The following ESRRG variants were observed in gnomAD, a reference collection of about 807,000 sequenced individuals.
ESRRG encodes estrogen-related receptor gamma.
ESRRG carries 13 observed loss-of-function variants against 44.0 expected under a neutral mutation model. The observed-to-expected ratio is 0.30, with a 90% CI of 0.19 to 0.47. The LOEUF (loss-of-function observed/expected upper bound fraction) is 0.47. ESRRG is among the 20% of genes least tolerant of loss of function. The pLI is 1.00. For synonymous variants in ESRRG, 215 were observed against 214.6 expected, an observed-to-expected ratio of 1.00 and a Z score of -0.02; for missense variants, 395 against 580.6, an observed-to-expected ratio of 0.68 and a Z score of 3.29.
chr1:216,896,863 G>A (rs562911968), intron 2 of ESRRG, among the ~76,000 whole-genome samples: 1 of 152,224 alleles, frequency 6.6e-6, no homozygotes, highest in East Asian at 1.9e-4. Context: ...CATCTCTTGG[G>A]TCCTATCCTT....
intron 5 of ESRRG, among the ~76,000 whole-genome samples, chr1:216,523,846 C>CAA (rs145462321): frequency 0.072 from 9,200 of 127,370 alleles, 930 homozygotes; most frequent in African/African-American, 0.23. Context: ...TTCTGTTCCA[C>CAA]AAAAAAAAAA....
rs78471113 is a variant in ESRRG, at chr1:216,617,586, T to C, written c.589+33387A>G. Among the ~76,000 whole-genome samples, 206 of 152,212 alleles carry C rather than the reference T, an allele frequency of 1.4e-3. 3 individuals carry two copies. The East Asian group carries it at 0.037, about 27-fold the overall frequency. ...CAGCAGAGTTCAAAGGAATCTAAAT[T>C]ATTTGAACATTCTGCAATGATCATA... On this transcript the variant is annotated intron_variant, in intron 3 of 6. Transcript: ENST00000408911.
At chr1:217,049,759 C>T (rs893104561) in intron 1 of ESRRG, among the ~76,000 whole-genome samples, 1 of 152,112 alleles carries the variant, frequency 6.6e-6, no homozygotes. Flanking sequence ...GGTTCCAATC[C>T]AGGGAGATCA....
chr1:216,822,525 G>C (rs1245580631), intron 2 of ESRRG, among the ~76,000 whole-genome samples: 1 of 152,138 alleles, frequency 6.6e-6, no homozygotes, highest in Non-Finnish European at 1.5e-5. Context: ...CCTTAAAGTG[G>C]TAAATATGTT....
intron 2 of ESRRG, among the ~76,000 whole-genome samples, chr1:216,838,337 G>A (rs2095600199): frequency 6.6e-6 from 1 of 152,178 alleles, no homozygotes. Context: ...GTCTATAAAA[G>A]TGTTGTCTTT....
intron 1 of ESRRG, among the ~76,000 whole-genome samples, chr1:216,943,587 T>C (rs2065600392): frequency 6.6e-6 from 1 of 152,156 alleles, no homozygotes; most frequent in Admixed American, 6.5e-5. Flanking sequence ...TAGGAGTATA[T>C]CTTACTGTGA....
intron 2 of ESRRG, among the ~76,000 whole-genome samples, chr1:216,744,797 A>G (rs1208799681): frequency 6.6e-6 from 1 of 152,190 alleles, no homozygotes; most frequent in East Asian, 1.9e-4. Context: ...ATCAGCCTTC[A>G]TGATGTCGTC....
chr1:216,724,931 T>C (rs1222717409), upstream of ESRRG, among the ~76,000 whole-genome samples: 2 of 152,212 alleles, frequency 1.3e-5, no homozygotes, highest in East Asian at 3.8e-4. Flanking sequence ...ATCAACCTTT[T>C]ACATCTTAAG....
At chr1:216,920,205 A>T (rs1425882960) in intron 2 of ESRRG, among the ~76,000 whole-genome samples, 2 of 152,210 alleles carry the variant, frequency 1.3e-5, no homozygotes, top group Non-Finnish European at 2.9e-5. Flanking sequence ...AAAATTCTAA[A>T]GATTGTGGAC....
At chr1:216,765,088 C>T (rs1007845758) in intron 2 of ESRRG, among the ~76,000 whole-genome samples, 3 of 152,146 alleles carry the variant, frequency 2.0e-5, no homozygotes, top group African/African-American at 7.2e-5. Flanking sequence ...ACTGAGTTTT[C>T]CCAATGGCCA....
intron 2 of ESRRG, among the ~76,000 whole-genome samples, chr1:216,781,747 G>C (rs924581278): frequency 6.6e-6 from 1 of 151,964 alleles, no homozygotes; most frequent in Admixed American, 6.6e-5. Context: ...AATCAGGTAA[G>C]ACAAAAACCA....
chr1:216,518,443 G>A (rs965561458), intron 6 of ESRRG, among the ~76,000 whole-genome samples: 22 of 152,202 alleles, frequency 1.4e-4, no homozygotes, highest in African/African-American at 5.3e-4. Flanking sequence ...TTATTGACAC[G>A]CAGGTATCTA....
At chr1:216,810,590 T>C (rs1459521717) in intron 2 of ESRRG, among the ~76,000 whole-genome samples, 1 of 147,578 alleles carries the variant, frequency 6.8e-6, no homozygotes, top group Non-Finnish European at 1.5e-5. Context: ...ATAAATTATA[T>C]ATATAATATA....
chr1:217,088,764 G>C (rs1033032407), intron 1 of ESRRG, among the ~76,000 whole-genome samples: 1 of 152,122 alleles, frequency 6.6e-6, no homozygotes, highest in African/African-American at 2.4e-5. Flanking sequence ...GAAGGGAAAA[G>C]AAAGGGAGGA....
intron 2 of ESRRG, among the ~76,000 whole-genome samples, chr1:216,783,678 AT>A (rs1252507059): frequency 6.6e-6 from 1 of 151,970 alleles, no homozygotes; most frequent in Admixed American, 6.6e-5. Context: ...TCCTGAAGGA[AT>A]TCAAGTCCTC....
chr1:216,529,197 A>T (rs1425168205), intron 5 of ESRRG, among the ~76,000 whole-genome samples: 1 of 152,286 alleles, frequency 6.6e-6, no homozygotes, highest in East Asian at 1.9e-4. Context: ...AGTCAAGCAG[A>T]ATCTATTTAA....
chr1:217,129,396 T>A (rs1458585038), intron 1 of ESRRG, among the ~76,000 whole-genome samples: 8 of 152,174 alleles, frequency 5.3e-5, no homozygotes, highest in Non-Finnish European at 1.2e-4. Flanking sequence ...GAATGTAAAA[T>A]TATGTAGCTG....
intron 2 of ESRRG, among the ~76,000 whole-genome samples, chr1:216,734,438 C>T (rs1430612453): frequency 2.0e-5 from 3 of 152,072 alleles, no homozygotes; most frequent in African/African-American, 7.3e-5. Flanking sequence ...AGTGTGTTCT[C>T]ACTCTGGTAG....
chr1:216,995,166 C>A (rs2076227883), intron 1 of ESRRG, among the ~76,000 whole-genome samples: 1 of 152,198 alleles, frequency 6.6e-6, no homozygotes, highest in South Asian at 2.1e-4. Flanking sequence ...CCTCCTTCAT[C>A]TCTTGCATCC....
Sources: allele counts gnomAD v4.1 joint callset (sites outside exome capture counted in the v4.1 genomes callset), GRCh38; gene constraint gnomAD v4.1.1; transcripts MANE v1.5; gene names NCBI Gene and HGNC (gene_info 2026-07-23, HGNC 2026-07-21).